MIER1: variants seen among roughly 807,000 people sequenced by gnomAD.
MIER1 encodes the protein mesoderm induction early response protein 1.
A neutral mutation model predicts 75.7 loss-of-function variants in MIER1; 40 were observed. The ratio of observed to expected loss-of-function variants is 0.53; its 90% CI spans 0.41 to 0.69. MIER1 has a LOEUF of 0.69. Ranked by LOEUF, MIER1 falls within the 30% of genes least tolerant of loss-of-function variation. MIER1 has a pLI of 0.00. For missense variants in MIER1, 574 were observed against 680.2 expected (o/e 0.84, Z 1.74); for synonymous variants, 213 against 223.4 (o/e 0.95, Z 0.42).
At chr1:66,961,648 T>A (rs1558076532) in intron 7 of MIER1, among the ~76,000 whole-genome samples, 1 of 152,216 alleles carries the variant, frequency 6.6e-6, no homozygotes, top group Non-Finnish European at 1.5e-5. Flanking sequence ...CATTCATAGA[T>A]TCTAATTTAA....
chr1:66,931,660 A>C (rs1347097628), intron 2 of MIER1, among the ~76,000 whole-genome samples: 1 of 152,128 alleles, frequency 6.6e-6, no homozygotes, highest in African/African-American at 2.4e-5. Flanking sequence ...TTGGTGGTTA[A>C]AGAATTGTAT....
chr1:66,931,241 G>A (rs1376842598), intron 2 of MIER1, among the ~76,000 whole-genome samples: 4 of 152,050 alleles, frequency 2.6e-5, no homozygotes, highest in African/African-American at 9.7e-5. Flanking sequence ...AACTGCTGTT[G>A]ATTTATTAAT....
At position 66,986,618 on chromosome 1, in the gene MIER1, C is replaced by T. The variant is rs1666816245; in HGVS notation, c.*1718C>T. The T allele has an allele frequency of 3.0e-6, 2 of 660,628 alleles. No individual in the cohort carries two copies. Among genetic ancestry groups the T allele is most frequent in the Non-Finnish European group, 5.2e-6 (2 of 386,418 alleles). The allele number at this position is 660,628 out of a possible 1,614,324, so 40.9% of individuals were successfully genotyped here. A position where few individuals can be genotyped will look rare whatever the true frequency, so the allele number is the denominator to read the frequency against. Reference sequence around the variant, plus strand: ...GACTGCTTCCCTTCACCAATGTGAACAACTTTTTTTCCCAAACAGTGTTAA... The same window carrying T: ...GACTGCTTCCCTTCACCAATGTGAATAACTTTTTTTCCCAAACAGTGTTAA... On this transcript the variant is annotated 3_prime_UTR_variant, in exon 14 of 14. Coordinates refer to ENST00000401041, the MANE Select transcript of MIER1 (RefSeq NM_001077700.3).
chr1:66,934,083 T>C (rs963247426), intron 2 of MIER1, among the ~76,000 whole-genome samples: 1 of 152,198 alleles, frequency 6.6e-6, no homozygotes, highest in Non-Finnish European at 1.5e-5. Context: ...GGTATGAAAT[T>C]CATGAAGTAG....
chr1:66,979,386 A>G (rs1276053519), intron 12 of MIER1, among the ~76,000 whole-genome samples: 1 of 152,194 alleles, frequency 6.6e-6, no homozygotes, highest in Non-Finnish European at 1.5e-5. Context: ...ATTATCCTGA[A>G]AGTCATTTGT....
chr1:66,971,746 G>A lies in MIER1; in HGVS notation c.1006+10G>A, dbSNP rs745694653. ...GTAAAAGCAGCTAGAGGTAAGTATA[G>A]TTTTTATTCATTTTCATGATTTGGC... On this transcript the variant is annotated intron_variant, in intron 10 of 13. Transcript: ENST00000401041. 3.2e-5 allele frequency: 43 copies of A among 1,362,896 alleles called. No homozygotes were observed. The highest frequency in any genetic ancestry group is 1.4e-4 in the East Asian group (6 of 42,398). 84.4% of individuals were successfully genotyped at this position (1,362,896 alleles called of 1,614,324 possible).
rs1663465777 is a variant in MIER1 at position 66,970,937 on chromosome 1, C to G, written c.902C>G (p.Ser301Cys). Residue 301 changes from serine (S) to cysteine (C), a missense_variant, in exon 9 of 14, where the codon TCT (serine) becomes TGT (cysteine). Physicochemically the swap from Ser to Cys is moderately radical, Grantham distance 112. Around this residue, in one of 3 missense-constraint regions of MIER1, gnomAD observed 101 missense variants for 173.1 expected, o/e 0.58. Coordinates refer to ENST00000401041, the MANE Select transcript of MIER1 (RefSeq NM_001077700.3). ...EKGVEAIPEG[S>C]HIKDNEQALY... ...GGTGTAGAAGCAATTCCTGAAGGAT[C>G]TCACATAAAAGACAATGAACAGGTC... 1.3e-6 allele frequency: 2 copies of G among 1,581,684 alleles called. No individual in the cohort carries two copies. Among genetic ancestry groups the G allele is most frequent in the Admixed American group, 2.0e-5 (1 of 49,526 alleles).
intron 8 of MIER1, among the ~76,000 whole-genome samples, chr1:66,964,228 C>T (rs549696111): frequency 4.6e-5 from 7 of 151,084 alleles, no homozygotes; most frequent in South Asian, 2.1e-4. Context: ...CCCACCACCA[C>T]GCCCAGCTAA....
chr1:66,978,235 A>C (rs996544509), intron 12 of MIER1, among the ~76,000 whole-genome samples: 8 of 151,160 alleles, frequency 5.3e-5, no homozygotes, highest in Non-Finnish European at 8.8e-5. Flanking sequence ...TGTTTATTTG[A>C]TCTTGCTCTT....
chr1:66,931,198 T>A (rs1280142081), intron 2 of MIER1, among the ~76,000 whole-genome samples: 1 of 152,220 alleles, frequency 6.6e-6, no homozygotes, highest in Non-Finnish European at 1.5e-5. Context: ...TTTTTTTGAT[T>A]TTACATATTT....
chr1:66,926,796 T>C (rs1651916739), intron 2 of MIER1, among the ~76,000 whole-genome samples: 1 of 152,186 alleles, frequency 6.6e-6, no homozygotes, highest in African/African-American at 2.4e-5. Context: ...TTTTTAGTTT[T>C]GGATGTGTTG....
Position 66,985,813 on chromosome 1 carries a change from AATT to A in MIER1, c.*914_*916del, listed in dbSNP as rs1269538565. 6.9e-4 allele frequency: 509 copies of A among 738,532 alleles called. 1 individual carries two copies. In the African/African-American group the frequency reaches 8.4e-3, roughly 12 times the overall value. The allele number at this position is 738,532 out of a possible 1,614,324, so 45.7% of individuals were successfully genotyped here. Reference sequence around the variant, plus strand: ...TTAAAGCATTCATAAAGGATTATAAAATTTTTTTTTTTTTTTTTTTTTTTAAAT... The same window carrying A: ...TTAAAGCATTCATAAAGGATTATAAATTTTTTTTTTTTTTTTTTTTTAAAT... On this transcript the variant is annotated 3_prime_UTR_variant, in exon 14 of 14. Coordinates refer to ENST00000401041, the MANE Select transcript of MIER1 (RefSeq NM_001077700.3).
At position 66,971,636 on chromosome 1, in the gene MIER1, A is replaced by G. The variant is rs775241150; in HGVS notation, c.925-19A>G. ...TGTTTATAGTCCTTGTCACATATTC[A>G]AGCCTTTTATTTTTCTAGGCTTTAT... On this transcript the variant is annotated intron_variant, in intron 9 of 13. Transcript: ENST00000401041. 2 of 1,254,750 alleles carry G rather than the reference A, an allele frequency of 1.6e-6. No individual in the cohort carries two copies. The highest frequency in any genetic ancestry group is 2.3e-6 in the Non-Finnish European group (2 of 871,186). 77.7% of individuals were successfully genotyped at this position (1,254,750 alleles called of 1,614,324 possible).
chr1:66,950,840 CT>C (rs1658768582), intron 4 of MIER1, among the ~76,000 whole-genome samples: 1 of 8,000 alleles, frequency 1.3e-4, no homozygotes, highest in Non-Finnish European at 2.3e-4. Context: ...TAGGAACCAT[CT>C]CTCTAGTTCA....
At chr1:66,978,196 CAAA>C (rs536021584) in intron 12 of MIER1, among the ~76,000 whole-genome samples, 2 of 91,352 alleles carry the variant, frequency 2.2e-5, no homozygotes, top group South Asian at 3.2e-4. Context: ...ACTCCATCTC[CAAA>C]AAAAAAAAAA....
intron 8 of MIER1, among the ~76,000 whole-genome samples, chr1:66,969,823 T>G (rs1341639526): frequency 1.3e-5 from 2 of 152,198 alleles, no homozygotes; most frequent in Non-Finnish European, 2.9e-5. Context: ...TTCAAGAGTC[T>G]TATTTCTTCA....
chr1:66,951,692 G>A (rs1658999728), intron 4 of MIER1, among the ~76,000 whole-genome samples: 1 of 151,810 alleles, frequency 6.6e-6, no homozygotes, highest in Non-Finnish European at 1.5e-5. Context: ...CCTTTCTCTC[G>A]CCTCAGCCTC....
intron 2 of MIER1, among the ~76,000 whole-genome samples, chr1:66,936,113 A>G (rs1487974849): frequency 6.6e-6 from 1 of 152,186 alleles, no homozygotes; most frequent in African/African-American, 2.4e-5. Context: ...TTATGAGTAC[A>G]TGTTAAATAT....
rs1261071638 is a variant in MIER1, at chr1:66,986,352, C to T, written c.*1452C>T. ...AGTTTTATATAGCTGATAGACCAAC[C>T]TATATCCAAACTTTTATAAAATATT... On this transcript the variant is annotated 3_prime_UTR_variant, in exon 14 of 14. Coordinates refer to ENST00000401041, the MANE Select transcript of MIER1 (RefSeq NM_001077700.3). 1.9e-6 allele frequency: 3 copies of T among 1,588,130 alleles called. No individual in the cohort carries two copies. The African/African-American group carries it at 4.1e-5, about 22-fold the overall frequency.
Sources: gnomAD v4.1 joint callset for allele counts (sites outside exome capture counted in the v4.1 genomes callset) on GRCh38, gnomAD v4.1.1 for gene constraint, gnomAD v4.1.1 regional missense constraint, MANE v1.5 for transcripts, NCBI Gene and HGNC (gene_info 2026-07-23, HGNC 2026-07-21) for gene names.